HECW1: variants seen among roughly 807,000 people sequenced by gnomAD.
HECW1 encodes the protein HECT, C2 and WW domain containing E3 ubiquitin protein ligase 1.
HECW1 carries 61 observed loss-of-function variants against 182.3 expected under a neutral mutation model. The ratio of observed to expected loss-of-function variants is 0.33; its 90% confidence interval spans 0.27 to 0.41. The LOEUF (loss-of-function observed/expected upper bound fraction) is 0.41. Ranked by LOEUF, HECW1 falls within the 10% of genes least tolerant of loss-of-function variation. The pLI is 1.00. For missense variants in HECW1, 1,739 were observed against 2,108.9 expected (o/e 0.82, Z 3.44); for synonymous variants, 859 against 832.6 (o/e 1.03, Z -0.55).
chr7:43,152,650 T>C (rs1333163660), intron 2 of HECW1, among the ~76,000 whole-genome samples: 1 of 152,212 alleles, frequency 6.6e-6, no homozygotes, highest in Non-Finnish European at 1.5e-5. Context: ...CCTGCCTGTT[T>C]GTTTTGGTCT....
intron 7 of HECW1, among the ~76,000 whole-genome samples, chr7:43,397,856 G>A (rs548705899): frequency 4.1e-4 from 45 of 108,558 alleles, no homozygotes; most frequent in Admixed American, 9.7e-4. Context: ...GGGCTCAGAT[G>A]CCTGACAACA....
At chr7:43,452,125 ATTTC>A (rs1446181286) in intron 12 of HECW1, among the ~76,000 whole-genome samples, 1 of 152,180 alleles carries the variant, frequency 6.6e-6, no homozygotes, top group African/African-American at 2.4e-5. Context: ...TTGATGCCTG[ATTTC>A]TTTCTTTCTT....
At chr7:43,524,323 C>T (rs976985759) in intron 24 of HECW1, among the ~76,000 whole-genome samples, 13 of 152,068 alleles carry the variant, frequency 8.5e-5, no homozygotes, top group African/African-American at 2.9e-4. Context: ...ACTAGATTTT[C>T]TAATATATAA....
At chr7:43,360,261 G>A (rs1399978367) in intron 5 of HECW1, among the ~76,000 whole-genome samples, 1 of 151,156 alleles carries the variant, frequency 6.6e-6, no homozygotes, top group Admixed American at 6.6e-5. Flanking sequence ...ACCCAGGCTG[G>A]AGTGCACTGA....
intron 8 of HECW1, among the ~76,000 whole-genome samples, chr7:43,435,710 A>G (rs1038394100): frequency 6.6e-6 from 1 of 152,236 alleles, no homozygotes; most frequent in Non-Finnish European, 1.5e-5. Context: ...CCATCAGCCC[A>G]CAGTGAGAAT....
intron 5 of HECW1, among the ~76,000 whole-genome samples, chr7:43,348,639 G>A (rs563183519): frequency 3.3e-4 from 50 of 152,038 alleles, no homozygotes; most frequent in African/African-American, 1.0e-3. Context: ...TTTTGATGTC[G>A]GCATTTAGGG....
chr7:43,157,277 T>C (rs957605964), intron 2 of HECW1, among the ~76,000 whole-genome samples: 3 of 152,304 alleles, frequency 2.0e-5, no homozygotes, highest in African/African-American at 7.2e-5. Flanking sequence ...TAGTTGAAAA[T>C]GAATTCTTTC....
intron 5 of HECW1, among the ~76,000 whole-genome samples, chr7:43,327,576 A>C (rs1768729435): frequency 6.6e-6 from 1 of 151,846 alleles, no homozygotes; most frequent in South Asian, 2.1e-4. Context: ...TTCTCCATAA[A>C]CCTACCTCTG....
intron 2 of HECW1, chr7:43,147,491 T>C (rs540393207): frequency 6.6e-6 from 1 of 152,362 alleles, no homozygotes; most frequent in South Asian, 2.1e-4. Context: ...AGAGGTACTT[T>C]TGAAAGCAGA....
intron 5 of HECW1, among the ~76,000 whole-genome samples, chr7:43,330,350 A>G (rs546117017): frequency 6.6e-6 from 1 of 152,362 alleles, no homozygotes. Flanking sequence ...GCCATCCTCA[A>G]CCAGGCAAGA....
intron 2 of HECW1, among the ~76,000 whole-genome samples, chr7:43,190,164 A>G (rs949944061): frequency 2.6e-5 from 4 of 152,132 alleles, no homozygotes; most frequent in African/African-American, 9.7e-5. Flanking sequence ...CCCAGGCTGG[A>G]GTGCAGTGGC....
At chr7:43,206,409 C>T (rs139686720) in intron 2 of HECW1, among the ~76,000 whole-genome samples, 4 of 152,230 alleles carry the variant, frequency 2.6e-5, no homozygotes, top group African/African-American at 9.6e-5. Context: ...TTTTTCTGGT[C>T]TTTTATTTTT....
At chr7:43,290,135 G>C (rs1435739691) in intron 3 of HECW1, among the ~76,000 whole-genome samples, 1 of 152,236 alleles carries the variant, frequency 6.6e-6, no homozygotes, top group East Asian at 1.9e-4. Context: ...GGTCTGGAAA[G>C]TGAAGGCCTG....
In HECW1 at chr7:43,266,129, C is replaced by G. The variant is rs562726502; in HGVS notation, c.27+22197C>G. ...TGTTGGATCAGTCTCTACCCCTTCC[C>G]ATTCTCCCAAGGTCAAGGGGCGGGC... On this transcript the variant is annotated intron_variant, in intron 3 of 29. Coordinates refer to ENST00000395891, the MANE Select transcript of HECW1 (RefSeq NM_015052.5). 4.6e-5 allele frequency among the ~76,000 whole-genome samples: 7 copies of G among 152,234 alleles called. No individual in the cohort carries two copies. In the South Asian group the frequency reaches 1.5e-3, roughly 32 times the overall value.
chr7:43,417,832 CT>C (rs1279946510), intron 8 of HECW1, among the ~76,000 whole-genome samples: 1 of 152,130 alleles, frequency 6.6e-6, no homozygotes, highest in Admixed American at 6.5e-5. Flanking sequence ...AGGGTTTTCT[CT>C]TTGTCTTTGG....
intron 6 of HECW1, among the ~76,000 whole-genome samples, chr7:43,373,606 GT>G (rs937510647): frequency 1.9e-3 from 286 of 150,180 alleles, no homozygotes; most frequent in African/African-American, 6.8e-3. Context: ...TTACATGTTT[GT>G]TTTTTTTTAA....
intron 3 of HECW1, among the ~76,000 whole-genome samples, chr7:43,287,074 G>A (rs1001646551): frequency 3.3e-5 from 5 of 152,120 alleles, no homozygotes; most frequent in Non-Finnish European, 7.4e-5. Flanking sequence ...AGTAGTGAAC[G>A]TAACAAAGTC....
chr7:43,386,106 G>A (rs2074784979), intron 6 of HECW1, among the ~76,000 whole-genome samples: 1 of 152,132 alleles, frequency 6.6e-6, no homozygotes, highest in Non-Finnish European at 1.5e-5. Context: ...TTACCACGTG[G>A]TCCCCTCCAT....
At chr7:43,358,126 C>A (rs888480773) in intron 5 of HECW1, among the ~76,000 whole-genome samples, 10 of 152,080 alleles carry the variant, frequency 6.6e-5, no homozygotes, top group African/African-American at 2.4e-4. Context: ...TCCTTTCCAC[C>A]CAACTGAGAT....
Sources: allele counts gnomAD v4.1 joint callset (sites outside exome capture counted in the v4.1 genomes callset), GRCh38; gene constraint gnomAD v4.1.1; transcripts MANE v1.5; gene names NCBI Gene and HGNC (gene_info 2026-07-23, HGNC 2026-07-21).